ZNF33A: variants seen among roughly 807,000 people sequenced by gnomAD.
ZNF33A encodes brain my041 protein.
A neutral mutation model predicts 15.9 loss-of-function variants in ZNF33A; 9 were observed. The ratio of observed to expected loss-of-function variants is 0.57; its 90% CI spans 0.34 to 0.99. The LOEUF (loss-of-function observed/expected upper bound fraction) is 0.99, where lower values mean the gene tolerates loss of function less well. ZNF33A is among the 50% of genes least tolerant of loss of function. The pLI, the probability that ZNF33A is intolerant of heterozygous loss-of-function variation, is 0.02. For missense variants in ZNF33A, 843 were observed against 941.6 expected (o/e 0.90, Z 1.37); for synonymous variants, 294 against 324.2 (o/e 0.91, Z 1.00).
At chr10:38,044,213 T>C (rs1015883075) in intron 4 of ZNF33A, among the ~76,000 whole-genome samples, 16 of 150,502 alleles carry the variant, frequency 1.1e-4, no homozygotes, top group African/African-American at 3.1e-4. Context: ...TCTTTCTTTT[T>C]TTTTTTTTTT....
At chr10:38,060,973 T>C (rs1391035419), downstream of ZNF33A, among the ~76,000 whole-genome samples, 3 of 152,110 alleles carry the variant, frequency 2.0e-5, no homozygotes, top group Admixed American at 6.5e-5. Flanking sequence ...TGGCAGGTGG[T>C]CTCTGAGGCT....
At chr10:38,012,885 A>G (rs1294389859) in intron 2 of ZNF33A, among the ~76,000 whole-genome samples, 1 of 152,202 alleles carries the variant, frequency 6.6e-6, no homozygotes, top group African/African-American at 2.4e-5. Flanking sequence ...GCAGAAAGGA[A>G]GACACTGGAT....
chr10:38,022,044 G>C (rs2064769549), intron 4 of ZNF33A, among the ~76,000 whole-genome samples: 1 of 152,046 alleles, frequency 6.6e-6, no homozygotes, highest in African/African-American at 2.4e-5. Flanking sequence ...CAAGACGATA[G>C]GTTGCAAACC....
intron 4 of ZNF33A, among the ~76,000 whole-genome samples, chr10:38,043,487 TAAAGTA>T (rs1174186679): frequency 7.0e-6 from 1 of 142,274 alleles, no homozygotes; most frequent in Non-Finnish European, 1.5e-5. Context: ...CCCTAAAACT[TAAAGTA>T]TAATAATAAT....
At chr10:38,022,309 C>T (rs2064782094) in intron 4 of ZNF33A, among the ~76,000 whole-genome samples, 1 of 152,004 alleles carries the variant, frequency 6.6e-6, no homozygotes, top group Admixed American at 6.6e-5. Context: ...ATCACTCCAC[C>T]ATCCATTTAA....
chr10:38,022,554 G>A (rs183943040), intron 4 of ZNF33A, among the ~76,000 whole-genome samples: 1 of 151,520 alleles, frequency 6.6e-6, no homozygotes, highest in East Asian at 2.0e-4. Flanking sequence ...CTACTCAGGA[G>A]GCTGAGGTAG....
chr10:38,032,293 GTTAT>G (rs2065247885), intron 4 of ZNF33A, among the ~76,000 whole-genome samples: 1 of 152,090 alleles, frequency 6.6e-6, no homozygotes, highest in Admixed American at 6.5e-5. Context: ...TCAGTTGTGT[GTTAT>G]TTATACACCA....
intron 2 of ZNF33A, among the ~76,000 whole-genome samples, chr10:38,016,500 A>G (rs1391877913): frequency 1.3e-5 from 2 of 152,174 alleles, no homozygotes; most frequent in Non-Finnish European, 2.9e-5. Context: ...CAACAGCTGT[A>G]CTTCCTCAGT....
At chr10:38,044,184 T>C (rs1345129601) in intron 4 of ZNF33A, among the ~76,000 whole-genome samples, 1 of 151,620 alleles carries the variant, frequency 6.6e-6, no homozygotes, top group African/African-American at 2.4e-5. Flanking sequence ...TTTTGCCAGC[T>C]ACAACCTTTC....
Position 38,057,535 on chromosome 10 carries a change from G to C in ZNF33A, c.*975G>C. The C allele has an allele frequency of 1.0e-6, 1 of 985,310 alleles. No individual in the cohort carries two copies. 61.0% of individuals were successfully genotyped at this position (985,310 alleles called of 1,614,324 possible). On this transcript the variant is annotated 3_prime_UTR_variant, in exon 5 of 5. Coordinates refer to ENST00000432900, the MANE Select transcript of ZNF33A (RefSeq NM_006954.2). The stretch of plus-strand genomic sequence containing the variant: ...AGTTTAGTAGTGGTTACATTATCAG[G>C]CCCATCCCAGATGTTTGTGATGTCC...
At position 38,054,480 on chromosome 10, in the gene ZNF33A, G is replaced by T. The variant is rs773199845; in HGVS notation, c.356G>T (p.Gly119Val). The T allele has an allele frequency of 6.2e-6, 10 of 1,612,188 alleles. No homozygotes were observed. The highest frequency in any genetic ancestry group is 8.5e-6 in the Non-Finnish European group (10 of 1,179,486). ...INNEMLTKEQ[G>V]DVIGIPFNVD... ...AATGAAATGCTGACTAAGGAACAAG[G>T]TGATGTAATAGGAATACCATTTAAT... Residue 119 changes from glycine to valine, a missense_variant, in exon 5 of 5, where the codon GGT becomes GTT. Physicochemically the swap from Gly to Val is moderately radical, Grantham distance 109 (BLOSUM62 -3). Coordinates refer to ENST00000432900, the MANE Select transcript of ZNF33A (RefSeq NM_006954.2).
intron 2 of ZNF33A, among the ~76,000 whole-genome samples, chr10:38,014,619 T>C (rs937793612): frequency 1.3e-5 from 2 of 152,212 alleles, no homozygotes; most frequent in Admixed American, 6.5e-5. Context: ...CCCCACTGTT[T>C]TACATTGTGA....
chr10:38,030,188 G>A (rs1229838306), intron 4 of ZNF33A, among the ~76,000 whole-genome samples: 1 of 152,138 alleles, frequency 6.6e-6, no homozygotes, highest in Non-Finnish European at 1.5e-5. Flanking sequence ...CTAGAAAATA[G>A]TTTGTCAGTT....
chr10:38,045,488 C>A (rs1484866960), intron 4 of ZNF33A, among the ~76,000 whole-genome samples: 2 of 152,156 alleles, frequency 1.3e-5, no homozygotes, highest in Non-Finnish European at 2.9e-5. Flanking sequence ...ATTTGGGTTC[C>A]TTCTAGAGGG....
chr10:38,020,983 A>C (rs2064710774), intron 4 of ZNF33A, among the ~76,000 whole-genome samples: 1 of 152,172 alleles, frequency 6.6e-6, no homozygotes, highest in Non-Finnish European at 1.5e-5. Context: ...AGTTCCTGTG[A>C]AACTGCTGCT....
downstream of ZNF33A, among the ~76,000 whole-genome samples, chr10:38,065,556 A>G (rs564198611): frequency 3.3e-5 from 5 of 152,314 alleles, no homozygotes; most frequent in African/African-American, 7.2e-5. Context: ...AAGCTTAAAC[A>G]TGGCTGGAAA....
chr10:38,042,495 G>A (rs1225292586), intron 4 of ZNF33A, among the ~76,000 whole-genome samples: 5 of 102,834 alleles, frequency 4.9e-5, no homozygotes, highest in Non-Finnish European at 7.9e-5. Context: ...CTATTTTTTT[G>A]CTTTATTCTT....
intron 4 of ZNF33A, among the ~76,000 whole-genome samples, chr10:38,049,751 A>G (rs1361423660): frequency 1.3e-5 from 2 of 152,134 alleles, no homozygotes; most frequent in East Asian, 1.9e-4. Context: ...AACAAAAAAC[A>G]AAATGGAGAA....
At position 38,054,645 on chromosome 10, in the gene ZNF33A, G is replaced by T. The variant is rs756330741; in HGVS notation, c.521G>T (p.Gly174Val). ...AAGTCTGATGAATTTAATGCCTGTG[G>T]GAAATTGTTACTCAATATTAAGCAT... ...GKKSDEFNAC[G>V]KLLLNIKHDE... The change falls in exon 5 of 5, where the codon GGG becomes GTG. Residue 174 changes from glycine (G) to valine (V), a missense_variant. Physicochemically the swap from Gly to Val is moderately radical, Grantham distance 109. Transcript: ENST00000432900. The T allele has an allele frequency of 6.2e-6, 10 of 1,612,482 alleles. No homozygotes were observed. The highest frequency in any genetic ancestry group is 1.7e-5 in the Admixed American group (1 of 59,754).
Sources: gnomAD v4.1 joint callset for allele counts (sites outside exome capture counted in the v4.1 genomes callset) on GRCh38, gnomAD v4.1.1 for gene constraint, MANE v1.5 for transcripts, NCBI Gene and HGNC (gene_info 2026-07-23, HGNC 2026-07-21) for gene names.